Variants in C19orf18 observed in about 807,000 individuals in gnomAD.
C19orf18 encodes the protein uncharacterized protein C19orf18.
C19orf18 carries 21 observed loss-of-function variants against 23.3 expected under a neutral mutation model. That is an observed-to-expected ratio of 0.90 (90% CI 0.64 to 1.30). C19orf18 has a LOEUF of 1.30. C19orf18 is among the 50% of genes most tolerant of loss of function. The probability of loss-of-function intolerance (pLI) is 0.00; values close to 1 mark genes in which losing one functional copy is unlikely to be tolerated. For synonymous variants in C19orf18, 96 were observed against 95.2 expected (o/e 1.01, Z -0.05); for missense variants, 249 against 259.6 (o/e 0.96, Z 0.28).
chr19:57,963,028 T>TTTA (rs1423328511), intron 4 of C19orf18, among the ~76,000 whole-genome samples: 1 of 140,354 alleles, frequency 7.1e-6, no homozygotes, highest in Non-Finnish European at 1.5e-5. Context: ...TAACTCAATT[T>TTTA]TTTTTTTTTT....
chr19:57,973,984 T>C (rs2072965175), intron 2 of C19orf18, 115 bp downstream of exon 2: 14 of 957,486 alleles, frequency 1.5e-5, no homozygotes, highest in Non-Finnish European at 1.9e-5. Flanking sequence ...TATCTAATTA[T>C]ACTCTATTTT....
intron 3 of C19orf18, among the ~76,000 whole-genome samples, chr19:57,969,550 G>A (rs550621741): frequency 9.2e-4 from 89 of 96,874 alleles, no homozygotes; most frequent in Admixed American, 1.3e-3. Context: ...GTGAGACTCT[G>A]TCTTAAAAAA....
At chr19:57,959,573 C>T (rs138343123) in intron 5 of C19orf18, among the ~76,000 whole-genome samples, 8,260 of 151,748 alleles carry the variant, frequency 0.054, 325 homozygotes, top group Middle Eastern at 0.082. Context: ...TACAGTGAAC[C>T]AAGATCACAC....
chr19:57,965,454 C>G lies in C19orf18; in HGVS notation c.371+1076G>C, dbSNP rs186930300. On this transcript the variant is annotated intron_variant, in intron 4 of 5. Coordinates refer to ENST00000314391, the MANE Select transcript of C19orf18 (RefSeq NM_152474.5). ...CCGGCCTCAAGTTTATTTTAAAATA[C>G]CAAATTCTGGGGTCTGGGAATGGTG... Among the ~76,000 whole-genome samples, 152 of 152,140 alleles carry G rather than the reference C, an allele frequency of 1.0e-3. 3 individuals are homozygous for G. Among genetic ancestry groups the G allele is most frequent in the African/African-American group, 3.6e-3 (149 of 41,562 alleles).
Position 57,961,569 on chromosome 19 carries a change from TG to T in C19orf18, c.372-19del. 1 of 1,593,634 alleles carries T rather than the reference TG, an allele frequency of 6.3e-7. No individual in the cohort carries two copies. The highest frequency in any genetic ancestry group is 8.5e-7 in the Non-Finnish European group (1 of 1,174,466). The stretch of plus-strand genomic sequence containing the variant: ...CCAGTCGACTGGAGAATGATATAAA[TG>T]AATTTAGAAGCACAGTTTTCATGAT... On this transcript the variant is annotated intron_variant, in intron 4 of 5. Coordinates refer to ENST00000314391, the MANE Select transcript of C19orf18 (RefSeq NM_152474.5).
At chr19:57,961,127 C>T (rs1432015314) in intron 5 of C19orf18, among the ~76,000 whole-genome samples, 2 of 151,880 alleles carry the variant, frequency 1.3e-5, no homozygotes, top group Non-Finnish European at 2.9e-5. Flanking sequence ...CCCAGCTACT[C>T]GGGAGGCTGA....
chr19:57,959,306 T>C (rs939446768), intron 5 of C19orf18, among the ~76,000 whole-genome samples: 1 of 151,982 alleles, frequency 6.6e-6, no homozygotes, highest in Non-Finnish European at 1.5e-5. Context: ...CTGGGCAACA[T>C]GGTGAAAACT....
chr19:57,970,303 T>C (rs1341153764), intron 3 of C19orf18, among the ~76,000 whole-genome samples: 1 of 152,204 alleles, frequency 6.6e-6, no homozygotes, highest in Non-Finnish European at 1.5e-5. Flanking sequence ...CGTTGCCGTC[T>C]ATAACCAATC....
intron 3 of C19orf18, among the ~76,000 whole-genome samples, chr19:57,972,190 G>A (rs1051150129): frequency 6.6e-6 from 1 of 152,236 alleles, no homozygotes; most frequent in Admixed American, 6.5e-5. Context: ...CGCTGTGTGT[G>A]CCCATGCATT....
At chr19:57,967,775 C>G (rs916552576) in intron 3 of C19orf18, among the ~76,000 whole-genome samples, 55 of 149,980 alleles carry the variant, frequency 3.7e-4, no homozygotes, top group Non-Finnish European at 5.9e-5. Context: ...CTTTGGGAGG[C>G]AAGGCAGGTG....
chr19:57,969,777 G>A (rs1292467730), intron 3 of C19orf18, among the ~76,000 whole-genome samples: 2 of 149,378 alleles, frequency 1.3e-5, no homozygotes, highest in East Asian at 2.0e-4. Context: ...ATGGTAATGG[G>A]TGCCTGTAAT....
In C19orf18 at chr19:57,974,460, C is replaced by T. The variant is rs7249794; in HGVS notation, c.-28G>A. The T allele has an allele frequency of 0.15, 232,307 of 1,600,490 alleles. 17,437 individuals carry two copies. Among genetic ancestry groups the T allele is most frequent in the African/African-American group, 0.25 (16,783 of 67,474 alleles). The stretch of plus-strand genomic sequence containing the variant: ...CTCTCAAATTATCAGTATTTTATCC[C>T]GTAGATGAAAGGAAATACTTAGCTA... On this transcript the variant is annotated 5_prime_UTR_variant, in exon 1 of 6. Coordinates refer to ENST00000314391, the MANE Select transcript of C19orf18 (RefSeq NM_152474.5).
intron 3 of C19orf18, among the ~76,000 whole-genome samples, chr19:57,969,186 A>C (rs2072927144): frequency 6.6e-6 from 1 of 152,126 alleles, no homozygotes; most frequent in Non-Finnish European, 1.5e-5. Context: ...CTTCATGAAG[A>C]TCATTTGCAT....
chr19:57,969,566 GAAAAAA>G (rs59100128), intron 3 of C19orf18, among the ~76,000 whole-genome samples: 13 of 46,500 alleles, frequency 2.8e-4, no homozygotes, highest in African/African-American at 8.5e-4. Context: ...AAAAAAAACA[GAAAAAA>G]AAAAAAAAAA....
intron 3 of C19orf18, 140 bp downstream of exon 3, chr19:57,972,323 G>A (rs925609941): frequency 1.4e-5 from 14 of 988,644 alleles, no homozygotes; most frequent in Non-Finnish European, 2.1e-5. Flanking sequence ...CCCCTCCAGA[G>A]GGGGCACCTT....
intron 5 of C19orf18, among the ~76,000 whole-genome samples, chr19:57,960,019 G>A (rs2072855006): frequency 1.3e-5 from 2 of 151,124 alleles, no homozygotes; most frequent in African/African-American, 4.9e-5. Flanking sequence ...TGAGGCAGGA[G>A]AATTGCTTGA....
At chr19:57,962,340 A>G (rs1301507304) in intron 4 of C19orf18, among the ~76,000 whole-genome samples, 3 of 152,172 alleles carry the variant, frequency 2.0e-5, no homozygotes, top group East Asian at 3.9e-4. Context: ...CCCGGCCATA[A>G]TCATGTTTCA....
At chr19:57,964,062 G>T (rs1411243653) in intron 4 of C19orf18, among the ~76,000 whole-genome samples, 1 of 151,962 alleles carries the variant, frequency 6.6e-6, no homozygotes, top group Non-Finnish European at 1.5e-5. Flanking sequence ...TGAACAGGTG[G>T]TTTTGTTTTT....
chr19:57,961,839 T>C (rs1016536688), intron 4 of C19orf18, among the ~76,000 whole-genome samples: 1 of 152,184 alleles, frequency 6.6e-6, no homozygotes, highest in Admixed American at 6.5e-5. Flanking sequence ...AAAAAATCCA[T>C]AATCAAACAA....
Sources: allele counts gnomAD v4.1 joint callset (sites outside exome capture counted in the v4.1 genomes callset), GRCh38; gene constraint gnomAD v4.1.1; transcripts MANE v1.5; gene names NCBI Gene and HGNC (gene_info 2026-07-23, HGNC 2026-07-21).